XPO5: variants seen among roughly 807,000 people sequenced by gnomAD.
XPO5 encodes exportin-5.
In XPO5, 46 loss-of-function variants were observed where a neutral mutation model predicts 160.6. That is an observed-to-expected ratio of 0.29 (90% CI 0.23 to 0.37). The LOEUF is 0.37. XPO5 is among the 10% of genes least tolerant of loss of function. XPO5 has a pLI of 1.00. For synonymous variants in XPO5, 537 were observed against 519.3 expected (o/e 1.03, Z -0.46); for missense variants, 1,090 against 1,463.9 (o/e 0.74, Z 4.17).
chr6:43,536,795 C>T (rs1386155135), intron 20 of XPO5, among the ~76,000 whole-genome samples: 3 of 105,018 alleles, frequency 2.9e-5, no homozygotes, highest in East Asian at 2.6e-4. Context: ...AAAAAAGCAG[C>T]TTTACTTTTT....
intron 20 of XPO5, among the ~76,000 whole-genome samples, chr6:43,544,479 G>A (rs1320988486): frequency 2.6e-5 from 4 of 152,142 alleles, no homozygotes; most frequent in African/African-American, 9.7e-5. Context: ...GGCCTCTAGA[G>A]TCAACCAGAA....
intron 14 of XPO5, among the ~76,000 whole-genome samples, chr6:43,551,786 C>T (rs1186023491): frequency 6.6e-6 from 1 of 152,196 alleles, no homozygotes; most frequent in African/African-American, 2.4e-5. Flanking sequence ...CGGCCTCAGC[C>T]TCCCAAGTAG....
intron 20 of XPO5, among the ~76,000 whole-genome samples, chr6:43,536,082 T>C (rs915661341): frequency 2.6e-4 from 40 of 151,498 alleles, no homozygotes; most frequent in African/African-American, 9.7e-4. Context: ...CACTCCAGCC[T>C]GGGTGACAGA....
Position 43,548,467 on chromosome 6 carries a change from A to T in XPO5, c.1861-7T>A. 3 of 1,531,604 alleles carry T rather than the reference A, an allele frequency of 2.0e-6. No individual in the cohort carries two copies. The highest frequency in any genetic ancestry group is 2.7e-6 in the Non-Finnish European group (3 of 1,131,376). The allele number at this position is 1,531,604 out of a possible 1,614,324, so 94.9% of individuals were successfully genotyped here. A position where few individuals can be genotyped will look rare whatever the true frequency, so the allele number is the denominator to read the frequency against. On this transcript the variant is annotated splice_polypyrimidine_tract_variant and splice_region_variant and intron_variant, in intron 17 of 31. Coordinates refer to ENST00000265351, the MANE Select transcript of XPO5 (RefSeq NM_020750.3). The stretch of plus-strand genomic sequence containing the variant: ...AAAGCATGTCAAAATTGGGCTACAG[A>T]TCAAAAAGAAAAAAAGCCAGAGGTG...
intron 4 of XPO5, 25 bp downstream of exon 4, chr6:43,570,832 A>G (rs903631226): frequency 6.3e-7 from 1 of 1,580,514 alleles, no homozygotes; most frequent in Non-Finnish European, 8.6e-7. Context: ...AAAGTATACC[A>G]AACTGATATA....
In XPO5 at chr6:43,560,187, G is replaced by A. The variant is rs750849769; in HGVS notation, c.1212C>T (p.Asn404=). ...GATTCCCATTATATACCTTGACCAA[G>A]TTAGTCATGGAAGCACGAAGATATT... ...IPKYLRASMT[N]LVKMGFPSKT... is the part of the protein sequence containing the mutation. Residue 404 remains asparagine (N), a synonymous_variant, in exon 11 of 32, where the codon AAC becomes AAT. Transcript: ENST00000265351. 1.2e-6 allele frequency: 2 copies of A among 1,612,530 alleles called. No homozygotes were observed. Among genetic ancestry groups the A allele is most frequent in the Non-Finnish European group, 1.7e-6 (2 of 1,179,186 alleles).
rs1582191963 is a variant in XPO5, at chr6:43,525,523, A to G, written c.3067-309T>C. The G allele has an allele frequency of 1.6e-5, 8 of 501,754 alleles. 1 individual carries two copies. The East Asian group carries it at 2.7e-4, about 17-fold the overall frequency. The allele number at this position is 501,754 out of a possible 1,614,324, so 31.1% of individuals were successfully genotyped here. A position where few individuals can be genotyped will look rare whatever the true frequency, so the allele number is the denominator to read the frequency against. On this transcript the variant is annotated intron_variant, in intron 28 of 31. Coordinates refer to ENST00000265351, the MANE Select transcript of XPO5 (RefSeq NM_020750.3). ...TTTGTGTATTGCCAGTCAAAAAGAA[A>G]AAATCAAAATGTGAGAAAACCTGTA...
Position 43,560,314 on chromosome 6 carries a change from A to AG in XPO5, c.1096-12_1096-11insC, listed in dbSNP as rs763665258. 1.3e-6 allele frequency: 2 copies of AG among 1,584,836 alleles called. No homozygotes were observed. The highest frequency in any genetic ancestry group is 4.5e-5 in the East Asian group (2 of 44,552). ...TGAAGAGCGTAGAAACTAAAGAGAA[A>AG]AAAAAAAGAAAACGTCAAAGGATTT... On this transcript the variant is annotated splice_polypyrimidine_tract_variant and intron_variant, in intron 10 of 31. Transcript: ENST00000265351.
chr6:43,526,022 T>C, intron 27 of XPO5, 101 bp from the exon 28 acceptor site: 10 of 1,359,800 alleles, frequency 7.4e-6, no homozygotes, highest in Non-Finnish European at 1.0e-5. Flanking sequence ...CTGAGTGTTC[T>C]AGGCTAAGTG....
chr6:43,569,070 A>G (rs1294283250), intron 5 of XPO5, among the ~76,000 whole-genome samples: 1 of 152,156 alleles, frequency 6.6e-6, no homozygotes, highest in Non-Finnish European at 1.5e-5. Context: ...AGGCAGGTGG[A>G]TCACCTGAGG....
chr6:43,538,771 C>CTTTT, intron 20 of XPO5: 1 of 532,674 alleles, frequency 1.9e-6, no homozygotes. Context: ...CTACATTTTT[C>CTTTT]TTTTTTTTTT....
At chr6:43,573,456 T>C in intron 2 of XPO5, 24 bp downstream of exon 2, 2 of 1,611,898 alleles carry the variant, frequency 1.2e-6, no homozygotes, top group Non-Finnish European at 8.5e-7. Flanking sequence ...CAGACTTCAG[T>C]GGTAATGTCC....
Position 43,549,892 on chromosome 6 carries a change from C to A in XPO5, c.1770+1G>T. The A allele has an allele frequency of 1.2e-6, 2 of 1,609,924 alleles. No individual in the cohort carries two copies. The highest frequency in any genetic ancestry group is 1.7e-6 in the Non-Finnish European group (2 of 1,177,738). ...TCTATTGGTTTAATTAATGGTCTTA[C>A]CTTACTTTCTTCAACAGTTTCAAAA... On this transcript the variant is annotated splice_donor_variant, in intron 16 of 31. Coordinates refer to ENST00000265351, the MANE Select transcript of XPO5 (RefSeq NM_020750.3). LOFTEE classifies it high-confidence loss of function.
intron 12 of XPO5, among the ~76,000 whole-genome samples, chr6:43,557,927 C>T (rs1457105265): frequency 1.2e-4 from 18 of 151,712 alleles, no homozygotes; most frequent in Non-Finnish European, 1.5e-5. Context: ...GAAACCCCAT[C>T]TCTACCAAAA....
At chr6:43,555,592 A>G in intron 13 of XPO5, 1 of 313,842 alleles carries the variant, frequency 3.2e-6, no homozygotes, top group African/African-American at 2.1e-5. Context: ...TCTGTTAGAA[A>G]TGGAAAATGA....
chr6:43,543,283 T>C (rs779381688), intron 20 of XPO5, among the ~76,000 whole-genome samples: 10 of 151,884 alleles, frequency 6.6e-5, no homozygotes, highest in Non-Finnish European at 1.5e-4. Flanking sequence ...AGAGAACCTA[T>C]CTCTACCAAA....
intron 31 of XPO5, 119 bp downstream of exon 31, chr6:43,524,352 C>CAA (rs368583529): frequency 2.9e-3 from 3,063 of 1,064,304 alleles, no homozygotes; most frequent in South Asian, 3.7e-3. Context: ...AACCCCATCT[C>CAA]AAAAAAAAAA....
intron 20 of XPO5, chr6:43,538,996 G>A (rs533526138): frequency 6.8e-5 from 102 of 1,510,878 alleles, no homozygotes; most frequent in Non-Finnish European, 8.0e-5. Flanking sequence ...TGGCCTTGGC[G>A]AAGTTGCCCA....
At chr6:43,532,408 GA>G (rs1794041948) in intron 21 of XPO5, among the ~76,000 whole-genome samples, 1 of 152,192 alleles carries the variant, frequency 6.6e-6, no homozygotes, top group African/African-American at 2.4e-5. Context: ...TGATGACAAA[GA>G]CAAACTATGG....
Sources: gnomAD v4.1 joint callset for allele counts (sites outside exome capture counted in the v4.1 genomes callset) on GRCh38, gnomAD v4.1.1 for gene constraint, MANE v1.5 for transcripts, NCBI Gene and HGNC (gene_info 2026-07-23, HGNC 2026-07-21) for gene names.